The following WEE2 variants were observed in gnomAD, a reference collection of about 807,000 sequenced individuals.
The protein encoded by WEE2 is WEE2 oocyte meiosis inhibiting kinase.
In WEE2, 50 loss-of-function variants were observed where a neutral mutation model predicts 60.1. That is an observed-to-expected ratio of 0.83 (90% CI 0.66 to 1.05). WEE2 has a LOEUF of 1.05. Among genes scored for constraint, WEE2 ranks in the 50% least tolerant of loss-of-function variants. WEE2 has a pLI of 0.00. For missense variants in WEE2, 631 were observed against 684.3 expected, an observed-to-expected ratio of 0.92 and a Z score of 0.87; for synonymous variants, 240 against 241.0, an observed-to-expected ratio of 1.00 and a Z score of 0.04.
intron 9 of WEE2, 130 bp from the exon 10 acceptor site, chr7:141,727,174 C>G (rs1289813788): frequency 1.1e-5 from 11 of 974,132 alleles, no homozygotes; most frequent in Non-Finnish European, 1.7e-5. Context: ...TCATTTCTTT[C>G]CTCTGCACAA....
rs752330849 is a variant in WEE2, at chr7:141,729,988, T to TAAAAA, written c.1679-289_1679-285dup. On this transcript the variant is annotated intron_variant, in intron 11 of 11. Coordinates refer to ENST00000397541, the MANE Select transcript of WEE2 (RefSeq NM_001105558.1). Reference sequence around the variant, plus strand: ...GGGCAACAGAGCGAGACTCTGTATCTAAAAAAAAAAAAAAAAAAAAAACTC... The same window carrying TAAAAA: ...GGGCAACAGAGCGAGACTCTGTATCTAAAAAAAAAAAAAAAAAAAAAAAAAAACTC... 3.0e-5 allele frequency among the ~76,000 whole-genome samples: 3 copies of TAAAAA among 99,344 alleles called. 1 individual carries two copies. Among genetic ancestry groups the TAAAAA allele is most frequent in the Non-Finnish European group, 4.2e-5 (2 of 47,818 alleles). 65.2% of individuals were successfully genotyped at this position (99,344 alleles called of 152,430 possible).
In WEE2 at chr7:141,709,084, G is replaced by C; in HGVS notation, c.326G>C (p.Ser109Thr). 2 of 1,613,446 alleles carry C rather than the reference G, an allele frequency of 1.2e-6. No homozygotes were observed. The highest frequency in any genetic ancestry group is 1.7e-6 in the Non-Finnish European group (2 of 1,179,476). Residue 109 changes from serine (S) to threonine (T), a missense_variant, in exon 1 of 12, where the codon AGC (serine) becomes ACC (threonine). By Grantham distance (58) the Ser-to-Thr change is moderately conservative (BLOSUM62 1). Transcript: ENST00000397541. ...AGGAGCAAGCTGCTGCCCAGTGACA[G>C]CCCCTCTACTCCCAAAGTAAGTAAG... Reference protein sequence around the residue: ...DSRSKLLPSDSPSTPKTMLSR... With the variant: ...DSRSKLLPSDTPSTPKTMLSR...
chr7:141,713,189 G>A (rs993824554), intron 1 of WEE2, among the ~76,000 whole-genome samples: 1 of 152,100 alleles, frequency 6.6e-6, no homozygotes, highest in Admixed American at 6.6e-5. Flanking sequence ...ATTTTTGGTA[G>A]CCTCACATTC....
At chr7:141,727,944 T>A (rs1214738348) in intron 10 of WEE2, 1 of 153,144 alleles carries the variant, frequency 6.5e-6, no homozygotes, top group Admixed American at 6.5e-5. Flanking sequence ...CATGCATATA[T>A]TTACTTGTTA....
At chr7:141,724,356 T>C in intron 8 of WEE2, 81 bp downstream of exon 8, 6 of 1,186,290 alleles carry the variant, frequency 5.1e-6, no homozygotes, top group Non-Finnish European at 7.3e-6. Context: ...TGCAAAAAAT[T>C]AAAACTGTAT....
At chr7:141,719,759 T>A (rs1798872709) in intron 4 of WEE2, among the ~76,000 whole-genome samples, 1 of 152,214 alleles carries the variant, frequency 6.6e-6, no homozygotes, top group African/African-American at 2.4e-5. Flanking sequence ...AATCATGATG[T>A]GGTGTTTTGT....
chr7:141,727,568 G>T, intron 10 of WEE2, 122 bp downstream of exon 10: 1 of 1,281,974 alleles, frequency 7.8e-7, no homozygotes, highest in Non-Finnish European at 1.1e-6. Context: ...ATAATACATA[G>T]GTCCCTGCCC....
Position 141,716,203 on chromosome 7 carries a change from T to C in WEE2, c.540-19T>C. 3.8e-6 allele frequency: 6 copies of C among 1,593,734 alleles called. No individual in the cohort carries two copies. Among genetic ancestry groups the C allele is most frequent in the Non-Finnish European group, 5.1e-6 (6 of 1,167,174 alleles). ...AAATATTAATTATATATTGATAAAC[T>C]TTTTTTTTCTTTTTTAAGTGAGGAA... On this transcript the variant is annotated intron_variant, in intron 2 of 11. Transcript: ENST00000397541.
chr7:141,722,932 C>T (rs1011696955), intron 5 of WEE2, among the ~76,000 whole-genome samples: 13 of 152,132 alleles, frequency 8.5e-5, no homozygotes, highest in East Asian at 1.9e-4. Flanking sequence ...GTAATCTATT[C>T]GTTGGACTGA....
intron 4 of WEE2, among the ~76,000 whole-genome samples, chr7:141,720,141 C>CTTTTTTTTTTTTTTTTTTTTTTTTTTT (rs571238574): frequency 1.6e-5 from 1 of 64,202 alleles, no homozygotes; most frequent in South Asian, 9.0e-4. Flanking sequence ...TAGAATTCCT[C>CTTTTTTTTTTTTTTTTTTTTTTTTTTT]TTTTTTTTTT....
At chr7:141,727,155 G>A in intron 9 of WEE2, 149 bp from the exon 10 acceptor site, 1 of 757,100 alleles carries the variant, frequency 1.3e-6, no homozygotes, top group South Asian at 2.0e-5. Context: ...CCCAGGTGGA[G>A]CTCAGTTTTC....
chr7:141,720,141 C>CTTT (rs571238574), intron 4 of WEE2, among the ~76,000 whole-genome samples: 2,059 of 64,192 alleles, frequency 0.032, 222 homozygotes, highest in East Asian at 0.082. Context: ...TAGAATTCCT[C>CTTT]TTTTTTTTTT....
At chr7:141,724,327 C>T in intron 8 of WEE2, 52 bp downstream of exon 8, 1 of 1,488,572 alleles carries the variant, frequency 6.7e-7, no homozygotes, top group Non-Finnish European at 9.2e-7. Context: ...ACCTTTGACT[C>T]TCAAATGGAG....
At chr7:141,723,056 T>C (rs527948103) in intron 5 of WEE2, 78 bp from the exon 6 acceptor site, 9 of 1,565,950 alleles carry the variant, frequency 5.7e-6, no homozygotes, top group African/African-American at 1.4e-5. Context: ...CCTGAAGATA[T>C]AGGAGGCCAA....
rs573856837 is a variant in WEE2 at position 141,719,095 on chromosome 7, C to T, written c.609C>T (p.Asn203=). Reference sequence around the variant, plus strand: ...AGAGATGTGTTTTACGAGAAACCAACATGGCTTCCCGCTATGAAAAAGAAT... The same window carrying T: ...AGAGATGTGTTTTACGAGAAACCAATATGGCTTCCCGCTATGAAAAAGAAT... ...PAKRCVLRET[N]MASRYEKEFL... is the part of the protein sequence containing the mutation. The change falls in exon 4 of 12, where the codon AAC becomes AAT. Residue 203 remains asparagine (N), a synonymous_variant. Coordinates refer to ENST00000397541, the MANE Select transcript of WEE2 (RefSeq NM_001105558.1). 5.8e-5 allele frequency: 94 copies of T among 1,613,976 alleles called. No homozygotes were observed. In the Middle Eastern group the frequency reaches 8.3e-4, roughly 14 times the overall value.
At chr7:141,713,691 T>C (rs1798745268) in intron 1 of WEE2, among the ~76,000 whole-genome samples, 1 of 152,216 alleles carries the variant, frequency 6.6e-6, no homozygotes, top group Admixed American at 6.5e-5. Context: ...AGGTGATTAT[T>C]TCTGAAACAC....
At chr7:141,715,640 A>T (rs1584739822) in intron 2 of WEE2, among the ~76,000 whole-genome samples, 1 of 152,104 alleles carries the variant, frequency 6.6e-6, no homozygotes. Flanking sequence ...CCCGGGTTAG[A>T]GCAGATTCTG....
rs530403399 is a variant in WEE2 at position 141,729,005 on chromosome 7, G to A, written c.1536-526G>A. Among the ~76,000 whole-genome samples, 13 of 152,300 alleles carry A rather than the reference G, an allele frequency of 8.5e-5. No homozygotes were observed. The South Asian group carries it at 1.7e-3, about 19-fold the overall frequency. On this transcript the variant is annotated intron_variant, in intron 10 of 11. Coordinates refer to ENST00000397541, the MANE Select transcript of WEE2 (RefSeq NM_001105558.1). The stretch of plus-strand genomic sequence containing the variant: ...CCTGGTTCCAAAAAGGTTGGGGACC[G>A]CTGGTCTAGACCAAGTGTTGGAAAA...
In WEE2 at chr7:141,727,273, T is replaced by C. The variant is rs993427466; in HGVS notation, c.1393-31T>C. The stretch of plus-strand genomic sequence containing the variant: ...AGATTTTTCCCAATAGTGAAGCTTC[T>C]GTTTCTTTCCTCTTGGTCCTATATC... On this transcript the variant is annotated intron_variant, in intron 9 of 11. Coordinates refer to ENST00000397541, the MANE Select transcript of WEE2 (RefSeq NM_001105558.1). The C allele has an allele frequency of 2.5e-6, 4 of 1,586,000 alleles. No individual in the cohort carries two copies. The African/African-American group carries it at 5.5e-5, about 22-fold the overall frequency.
Sources: allele counts gnomAD v4.1 joint callset (sites outside exome capture counted in the v4.1 genomes callset), GRCh38; gene constraint gnomAD v4.1.1; transcripts MANE v1.5; gene names NCBI Gene and HGNC (gene_info 2026-07-23, HGNC 2026-07-21).